The following EXT1 variants were observed in gnomAD, a reference collection of about 807,000 sequenced individuals.
The protein encoded by EXT1 is exostosin-1.
A neutral mutation model predicts 82.5 loss-of-function variants in EXT1; 20 were observed. The observed-to-expected ratio is 0.24, with a 90% CI of 0.17 to 0.35. The LOEUF is 0.35. Among genes scored for constraint, EXT1 ranks in the 10% least tolerant of loss-of-function variants. The probability of loss-of-function intolerance (pLI) is 1.00; values close to 1 mark genes in which losing one functional copy is unlikely to be tolerated. For missense variants in EXT1, 757 were observed against 936.5 expected, an observed-to-expected ratio of 0.81 and a Z score of 2.50; for synonymous variants, 348 against 350.8, an observed-to-expected ratio of 0.99 and a Z score of 0.09.
At chr8:118,004,702 G>T (rs1488201332) in intron 1 of EXT1, among the ~76,000 whole-genome samples, 1 of 152,132 alleles carries the variant, frequency 6.6e-6, no homozygotes. Flanking sequence ...CACAAACTCA[G>T]GAAATTCCTT....
chr8:118,052,203 T>C (rs1816728920), intron 1 of EXT1, among the ~76,000 whole-genome samples: 1 of 152,236 alleles, frequency 6.6e-6, no homozygotes, highest in Admixed American at 6.5e-5. Context: ...AAACATTGGC[T>C]AGTAGGCAAT....
intron 1 of EXT1, among the ~76,000 whole-genome samples, chr8:117,871,593 A>C (rs1217320904): frequency 1.3e-5 from 2 of 152,226 alleles, no homozygotes; most frequent in Non-Finnish European, 2.9e-5. Context: ...AAATACCACA[A>C]GTTACCCCAA....
At chr8:117,967,901 CAT>C (rs897479214) in intron 1 of EXT1, among the ~76,000 whole-genome samples, 1 of 152,142 alleles carries the variant, frequency 6.6e-6, no homozygotes, top group African/African-American at 2.4e-5. Context: ...ATCTGATGTA[CAT>C]GAGGACTATA....
At chr8:117,832,528 AAAAAGAAAAG>A (rs569767804) in intron 3 of EXT1, among the ~76,000 whole-genome samples, 10 of 151,416 alleles carry the variant, frequency 6.6e-5, no homozygotes, top group Non-Finnish European at 1.3e-4. Flanking sequence ...CTTAAAAAAA[AAAAAGAAAAG>A]AAAAGAAAAG....
chr8:118,034,914 A>C (rs1816391329), intron 1 of EXT1, among the ~76,000 whole-genome samples: 1 of 152,224 alleles, frequency 6.6e-6, no homozygotes, highest in South Asian at 2.1e-4. Flanking sequence ...CCAGAAAAGC[A>C]GAATTGGAAA....
At chr8:117,894,462 C>T (rs1813301132) in intron 1 of EXT1, among the ~76,000 whole-genome samples, 1 of 152,292 alleles carries the variant, frequency 6.6e-6, no homozygotes, top group South Asian at 2.1e-4. Flanking sequence ...ACCTCTACTT[C>T]ACAACGCTGT....
intron 1 of EXT1, among the ~76,000 whole-genome samples, chr8:118,043,852 C>T (rs1816576895): frequency 6.6e-6 from 1 of 152,168 alleles, no homozygotes; most frequent in South Asian, 2.1e-4. Flanking sequence ...AGGTAAAAGT[C>T]CAACTCACTT....
chr8:117,885,559 A>G (rs148956317), intron 1 of EXT1, among the ~76,000 whole-genome samples: 2 of 151,970 alleles, frequency 1.3e-5, no homozygotes, highest in East Asian at 3.9e-4. Flanking sequence ...AGTGATGAAG[A>G]CACATGTCAG....
intron 1 of EXT1, among the ~76,000 whole-genome samples, chr8:118,063,875 T>C (rs1816929274): frequency 6.6e-6 from 1 of 152,206 alleles, no homozygotes; most frequent in African/African-American, 2.4e-5. Flanking sequence ...TATTTATTTA[T>C]TTATTTATTG....
intron 1 of EXT1, among the ~76,000 whole-genome samples, chr8:117,911,504 C>T (rs1813647072): frequency 6.6e-6 from 1 of 152,206 alleles, no homozygotes; most frequent in Non-Finnish European, 1.5e-5. Flanking sequence ...CAGCAACCAA[C>T]ATCACAGCCC....
intron 1 of EXT1, among the ~76,000 whole-genome samples, chr8:118,065,344 A>T (rs1816959388): frequency 6.6e-6 from 1 of 152,204 alleles, no homozygotes; most frequent in Non-Finnish European, 1.5e-5. Context: ...TCAATTTCCC[A>T]GGAACCAACA....
At chr8:117,819,571 A>C (rs571830858) in intron 6 of EXT1, 105 bp downstream of exon 6, 110 of 868,004 alleles carry the variant, frequency 1.3e-4, no homozygotes, top group Non-Finnish European at 2.1e-4. Flanking sequence ...ATGTTAGAGA[A>C]GTCCCGGGGA....
chr8:118,011,647 A>AC (rs2129835945), intron 1 of EXT1, among the ~76,000 whole-genome samples: 1 of 152,306 alleles, frequency 6.6e-6, no homozygotes, highest in South Asian at 2.1e-4. Context: ...GCATATGTGG[A>AC]AAGTGATCAT....
At position 117,968,553 on chromosome 8, in the gene EXT1, A is replaced by ATTTTTTTTTT. The variant is rs1182180428; in HGVS notation, c.963-131362_963-131353dup. ...TATTTATTTATTTATTTATTTATTT[A>ATTTTTTTTTT]TTTTTTTTTTTTTTTTTTTTTTTTT... is the stretch of plus-strand genomic sequence containing the variant. On this transcript the variant is annotated intron_variant, in intron 1 of 10. Coordinates refer to ENST00000378204, the MANE Select transcript of EXT1 (RefSeq NM_000127.3). Among the ~76,000 whole-genome samples, 3 of 9,290 alleles carry ATTTTTTTTTT rather than the reference A, an allele frequency of 3.2e-4. 1 individual carries two copies. The highest frequency in any genetic ancestry group is 4.4e-4 in the Non-Finnish European group (3 of 6,758). 6.1% of individuals were successfully genotyped at this position (9,290 alleles called of 152,430 possible).
chr8:117,805,885 T>G (rs1823229308), intron 9 of EXT1, among the ~76,000 whole-genome samples: 1 of 152,186 alleles, frequency 6.6e-6, no homozygotes, highest in African/African-American at 2.4e-5. Flanking sequence ...CAAATTTGTA[T>G]CTCCACCCCT....
At chr8:117,875,038 A>G (rs1812942846) in intron 1 of EXT1, among the ~76,000 whole-genome samples, 1 of 152,232 alleles carries the variant, frequency 6.6e-6, no homozygotes, top group Admixed American at 6.5e-5. Context: ...AGACGTTAAA[A>G]AACAGTGGCA....
chr8:118,025,178 G>A (rs1411946621), intron 1 of EXT1, among the ~76,000 whole-genome samples: 1 of 152,102 alleles, frequency 6.6e-6, no homozygotes, highest in Non-Finnish European at 1.5e-5. Flanking sequence ...AGTTTTCTCT[G>A]ACCTAGAAAG....
intron 1 of EXT1, among the ~76,000 whole-genome samples, chr8:117,968,860 TGCCCAGCCA>T (rs1814883467): frequency 1.5e-5 from 1 of 64,586 alleles, no homozygotes; most frequent in Non-Finnish European, 2.5e-5. Flanking sequence ...TGAGCCACTG[TGCCCAGCCA>T]ATTCTGCCTT....
chr8:118,088,493 T>TA (rs555973998), intron 1 of EXT1, among the ~76,000 whole-genome samples: 5,072 of 130,092 alleles, frequency 0.039, 102 homozygotes, highest in South Asian at 0.084. Context: ...TAGTAATGCT[T>TA]AAAAAAAAAA....
Sources: gnomAD v4.1 joint callset for allele counts (sites outside exome capture counted in the v4.1 genomes callset) on GRCh38, gnomAD v4.1.1 for gene constraint, MANE v1.5 for transcripts, NCBI Gene and HGNC (gene_info 2026-07-23, HGNC 2026-07-21) for gene names.